Variants in TAFA1 observed in about 807,000 individuals in gnomAD.
TAFA1 encodes TAFA chemokine like family member 1, also known as chemokine-like protein TAFA-1.
In TAFA1, 4 loss-of-function variants were observed where a neutral mutation model predicts 18.5. The ratio of observed to expected loss-of-function variants is 0.22; its 90% CI spans 0.11 to 0.49. The LOEUF (loss-of-function observed/expected upper bound fraction) is 0.49, where lower values mean the gene tolerates loss of function less well. Among genes scored for constraint, TAFA1 ranks in the 20% least tolerant of loss-of-function variants. The probability of loss-of-function intolerance (pLI) is 0.98; values close to 1 mark genes in which losing one functional copy is unlikely to be tolerated. For synonymous variants in TAFA1, 56 were observed against 55.2 expected, an observed-to-expected ratio of 1.01 and a Z score of -0.06; for missense variants, 147 against 169.0, an observed-to-expected ratio of 0.87 and a Z score of 0.72.
the TAFA1 span, among the ~76,000 whole-genome samples, chr3:67,994,623 C>G: frequency 5.0e-4 from 76 of 152,284 alleles, no homozygotes; most frequent in African/African-American, 1.8e-3. Flanking sequence ...GTTTACTCTT[C>G]TTTCCAGGGT....
chr3:68,332,841 C>G (rs949228226), intron 2 of TAFA1, among the ~76,000 whole-genome samples: 1 of 152,114 alleles, frequency 6.6e-6, no homozygotes, highest in Non-Finnish European at 1.5e-5. Context: ...TTATGGAAAA[C>G]AGTGGAAGTT....
At chr3:68,341,182 T>C (rs1351053742) in intron 2 of TAFA1, among the ~76,000 whole-genome samples, 2 of 152,164 alleles carry the variant, frequency 1.3e-5, no homozygotes, top group African/African-American at 4.8e-5. Context: ...AATACTCAAA[T>C]CAGTCTCTCC....
intron 2 of TAFA1, among the ~76,000 whole-genome samples, chr3:68,039,711 T>G (rs1406770579): frequency 1.3e-5 from 2 of 152,170 alleles, no homozygotes; most frequent in Non-Finnish European, 2.9e-5. Context: ...AGGTCATTGA[T>G]GATCTCCAGA....
At chr3:68,456,747 C>T (rs977739043) in intron 3 of TAFA1, among the ~76,000 whole-genome samples, 1 of 152,170 alleles carries the variant, frequency 6.6e-6, no homozygotes, top group Non-Finnish European at 1.5e-5. Flanking sequence ...GCTTTTGCGC[C>T]TGCTGGCATA....
chr3:68,252,845 T>C (rs909727143), intron 2 of TAFA1, among the ~76,000 whole-genome samples: 1 of 152,152 alleles, frequency 6.6e-6, no homozygotes, highest in Non-Finnish European at 1.5e-5. Flanking sequence ...AGGGACCCAG[T>C]TGCAGGTAAT....
chr3:68,429,660 A>G (rs6783583), intron 3 of TAFA1, among the ~76,000 whole-genome samples: 4,079 of 151,830 alleles, frequency 0.027, 174 homozygotes, highest in African/African-American at 0.092. Flanking sequence ...AAATTCATCC[A>G]TTTCTCCTCA....
chr3:68,483,322 C>T (rs2072272010), intron 3 of TAFA1, among the ~76,000 whole-genome samples: 1 of 152,030 alleles, frequency 6.6e-6, no homozygotes, highest in East Asian at 1.9e-4. Context: ...CAAAGCTATT[C>T]AACTGTACTC....
intron 3 of TAFA1, among the ~76,000 whole-genome samples, chr3:68,524,637 T>C (rs1055481353): frequency 1.3e-5 from 2 of 152,028 alleles, no homozygotes; most frequent in African/African-American, 2.4e-5. Flanking sequence ...GGAAGTACTT[T>C]TCTATGTTTC....
At chr3:68,143,996 TTC>T (rs1445982332) in intron 2 of TAFA1, among the ~76,000 whole-genome samples, 2 of 152,058 alleles carry the variant, frequency 1.3e-5, no homozygotes, top group Non-Finnish European at 2.9e-5. Flanking sequence ...TTTTTTTTTT[TTC>T]TTTTTTTAAG....
intron 2 of TAFA1, among the ~76,000 whole-genome samples, chr3:68,241,630 C>T (rs917566376): frequency 3.3e-5 from 5 of 152,086 alleles, no homozygotes; most frequent in Non-Finnish European, 7.4e-5. Flanking sequence ...CTTTTAATTT[C>T]CTCTGAATTG....
intron 2 of TAFA1, among the ~76,000 whole-genome samples, chr3:68,210,898 A>ATTCT (rs1359915595): frequency 6.6e-6 from 1 of 152,020 alleles, no homozygotes; most frequent in Non-Finnish European, 1.5e-5. Context: ...GTTGTAATTC[A>ATTCT]AATATTGCCT....
chr3:68,331,067 C>A (rs1458373314), intron 2 of TAFA1, among the ~76,000 whole-genome samples: 1 of 151,956 alleles, frequency 6.6e-6, no homozygotes, highest in African/African-American at 2.4e-5. Context: ...GAAGTATAAC[C>A]AAAATGTGGT....
At chr3:68,189,045 T>G (rs990274502) in intron 2 of TAFA1, among the ~76,000 whole-genome samples, 1 of 151,852 alleles carries the variant, frequency 6.6e-6, no homozygotes, top group Admixed American at 6.6e-5. Flanking sequence ...AGGGACTGAT[T>G]TGCACCAAAT....
upstream of TAFA1, among the ~76,000 whole-genome samples, chr3:67,999,905 C>A (rs1165701450): frequency 6.6e-6 from 1 of 151,634 alleles, no homozygotes; most frequent in African/African-American, 2.4e-5. Context: ...TCTCCTGTTT[C>A]AGCCTCCTGA....
chr3:68,236,530 T>A (rs1416987280), intron 2 of TAFA1, among the ~76,000 whole-genome samples: 1 of 152,188 alleles, frequency 6.6e-6, no homozygotes, highest in Non-Finnish European at 1.5e-5. Context: ...GAGGTACTAA[T>A]GAACTGAACC....
At chr3:68,501,154 GAA>G (rs57247656) in intron 3 of TAFA1, among the ~76,000 whole-genome samples, 2,024 of 91,600 alleles carry the variant, frequency 0.022, 18 homozygotes, top group South Asian at 0.037. Context: ...GACCCTGTCT[GAA>G]AAAAAAAAAA....
chr3:68,082,210 G>A (rs563032667), intron 2 of TAFA1, among the ~76,000 whole-genome samples: 7 of 152,248 alleles, frequency 4.6e-5, no homozygotes, highest in South Asian at 2.1e-4. Context: ...TGCGCCCACT[G>A]TCTGGCACTC....
chr3:68,490,019 A>C (rs1262114941), intron 3 of TAFA1, among the ~76,000 whole-genome samples: 2 of 152,212 alleles, frequency 1.3e-5, no homozygotes, highest in African/African-American at 4.8e-5. Context: ...AAGTGAGACT[A>C]TCACTTCCAA....
At chr3:68,500,531 CACTG>C (rs1453455870) in intron 3 of TAFA1, among the ~76,000 whole-genome samples, 8 of 152,148 alleles carry the variant, frequency 5.3e-5, no homozygotes, top group African/African-American at 1.4e-4. Flanking sequence ...AGCAACAATC[CACTG>C]ACTAAGTCTG....
Sources: allele counts gnomAD v4.1 joint callset (sites outside exome capture counted in the v4.1 genomes callset), GRCh38; gene constraint gnomAD v4.1.1; transcripts MANE v1.5; gene names NCBI Gene and HGNC (gene_info 2026-07-23, HGNC 2026-07-21).